Variants in ABCD2 observed in about 807,000 individuals in gnomAD.
ABCD2 encodes the protein ATP-binding cassette sub-family D member 2.
A neutral mutation model predicts 70.9 loss-of-function variants in ABCD2; 36 were observed. That is an observed-to-expected ratio of 0.51 (90% CI 0.39 to 0.67). The LOEUF (loss-of-function observed/expected upper bound fraction) is 0.67. Among genes scored for constraint, ABCD2 ranks in the 30% least tolerant of loss-of-function variants. The pLI, the probability that ABCD2 is intolerant of heterozygous loss-of-function variation, is 0.00. For missense variants in ABCD2, 729 were observed against 890.2 expected, an observed-to-expected ratio of 0.82 and a Z score of 2.30; for synonymous variants, 304 against 306.9, an observed-to-expected ratio of 0.99 and a Z score of 0.10.
At chr12:39,595,042 GGTGACAGA>G (rs1372585000) in intron 6 of ABCD2, among the ~76,000 whole-genome samples, 3 of 151,856 alleles carry the variant, frequency 2.0e-5, no homozygotes, top group African/African-American at 7.3e-5. Flanking sequence ...CTCCAGCCTG[GGTGACAGA>G]GTGACACTCT....
rs71075064 is a variant in ABCD2 at position 39,613,385 on chromosome 12, CAAAAAAAAAAAAAAAAA to C, written c.1120+3586_1120+3602del. Among the ~76,000 whole-genome samples the C allele has an allele frequency of 4.2e-4, 10 of 23,616 alleles. 2 individuals are homozygous for C. In the East Asian group the frequency reaches 8.6e-3, roughly 20 times the overall value. The allele number at this position is 23,616 out of a possible 152,430, so 15.5% of individuals were successfully genotyped here. A position where few individuals can be genotyped will look rare whatever the true frequency, so the allele number is the denominator to read the frequency against. ...TGGGCGACAGAGCGAGACTCCGTCT[CAAAAAAAAAAAAAAAAA>C]AAAAAAAAAAAAAAAGAATTGAGGT... is the stretch of plus-strand genomic sequence containing the variant. On this transcript the variant is annotated intron_variant, in intron 2 of 9. Transcript: ENST00000308666.
chr12:39,616,101 G>A (rs544389767), intron 2 of ABCD2, among the ~76,000 whole-genome samples: 10 of 152,114 alleles, frequency 6.6e-5, no homozygotes, highest in African/African-American at 2.4e-4. Context: ...AGGAAGAGGG[G>A]GAACCAAAAG....
In ABCD2 at chr12:39,579,623, A is replaced by G; in HGVS notation, c.1793-4T>C. 1.3e-6 allele frequency: 2 copies of G among 1,594,842 alleles called. No homozygotes were observed. Among genetic ancestry groups the G allele is most frequent in the Non-Finnish European group, 1.7e-6 (2 of 1,168,512 alleles). ...CAGTCCATAACAGCATCCCATCCTT[A>G]AGAAAATAAAAAAATATACATTTTT... On this transcript the variant is annotated splice_polypyrimidine_tract_variant and splice_region_variant and intron_variant, in intron 7 of 9. Transcript: ENST00000308666.
intron 9 of ABCD2, among the ~76,000 whole-genome samples, chr12:39,568,803 T>G (rs768112585): frequency 2.7e-4 from 41 of 152,214 alleles, no homozygotes; most frequent in Non-Finnish European, 1.2e-4. Context: ...AGATGGGGTT[T>G]TGGTGTTCAT....
chr12:39,567,018 T>C (rs1007267037), intron 9 of ABCD2, among the ~76,000 whole-genome samples: 1 of 152,226 alleles, frequency 6.6e-6, no homozygotes, highest in Non-Finnish European at 1.5e-5. Context: ...ATTTCTGTTC[T>C]TTTACGTTTG....
intron 9 of ABCD2, among the ~76,000 whole-genome samples, chr12:39,566,936 C>T (rs910001527): frequency 3.3e-5 from 5 of 152,112 alleles, no homozygotes; most frequent in Admixed American, 6.6e-5. Flanking sequence ...TGTAGTTTAG[C>T]GGTTTTGAGT....
intron 9 of ABCD2, among the ~76,000 whole-genome samples, chr12:39,563,908 G>A (rs546342847): frequency 7.2e-5 from 11 of 152,242 alleles, no homozygotes; most frequent in African/African-American, 2.2e-4. Context: ...ATAGTTTGCT[G>A]AGAATGATGG....
At chr12:39,569,176 C>G (rs1407422745) in intron 9 of ABCD2, among the ~76,000 whole-genome samples, 2 of 152,226 alleles carry the variant, frequency 1.3e-5, no homozygotes, top group Non-Finnish European at 2.9e-5. Flanking sequence ...ACATTTAAGT[C>G]TGCAGAGTAT....
chr12:39,610,727 T>G (rs1942033803), intron 2 of ABCD2, among the ~76,000 whole-genome samples: 1 of 152,184 alleles, frequency 6.6e-6, no homozygotes, highest in Non-Finnish European at 1.5e-5. Flanking sequence ...GATTAATGCT[T>G]ATTGGGTCTT....
intron 2 of ABCD2, among the ~76,000 whole-genome samples, chr12:39,608,423 AT>A (rs930426703): frequency 4.2e-4 from 64 of 152,280 alleles, no homozygotes; most frequent in African/African-American, 1.5e-3. Context: ...GCGGTGGCTC[AT>A]GCCTGTAGTC....
chr12:39,553,908 C>G lies in ABCD2; in HGVS notation c.*4G>C. 1 of 1,593,262 alleles carries G rather than the reference C, an allele frequency of 6.3e-7. No homozygotes were observed. On this transcript the variant is annotated 3_prime_UTR_variant, in exon 10 of 10. Coordinates refer to ENST00000308666, the MANE Select transcript of ABCD2 (RefSeq NM_005164.4). ...AATTAACTTTTAAAATATGTCAAAA[C>G]AAATTAAGATGTCTCATCTTCATTT...
At chr12:39,558,745 CTT>C (rs1429726091) in intron 9 of ABCD2, among the ~76,000 whole-genome samples, 1 of 152,116 alleles carries the variant, frequency 6.6e-6, no homozygotes, top group Non-Finnish European at 1.5e-5. Context: ...AATTAAGCCT[CTT>C]TTCTTTATAA....
At chr12:39,601,689 T>G (rs537424546) in intron 5 of ABCD2, among the ~76,000 whole-genome samples, 52 of 152,076 alleles carry the variant, frequency 3.4e-4, no homozygotes, top group Non-Finnish European at 4.1e-4. Flanking sequence ...AGATCTAGCT[T>G]TGTATAGAAA....
the ABCD2 span, among the ~76,000 whole-genome samples, chr12:39,534,701 CGGAAGGAA>C: frequency 2.7e-5 from 3 of 111,298 alleles, no homozygotes; most frequent in African/African-American, 3.7e-5. Flanking sequence ...GAAGGAAGGA[CGGAAGGAA>C]GGAAGGAAGG....
the ABCD2 span, among the ~76,000 whole-genome samples, chr12:39,533,389 A>AT: frequency 3.2e-3 from 482 of 152,230 alleles, 6 homozygotes; most frequent in African/African-American, 0.011. Context: ...AAAGAGATTC[A>AT]TTTTTTTCTG....
chr12:39,589,588 C>T (rs1225449256), intron 6 of ABCD2, among the ~76,000 whole-genome samples: 5 of 151,822 alleles, frequency 3.3e-5, no homozygotes, highest in Admixed American at 2.6e-4. Context: ...GGGGTTTTAC[C>T]GTGTTAGCCA....
intron 7 of ABCD2, 103 bp from the exon 8 acceptor site, chr12:39,579,722 G>A: frequency 1.2e-6 from 1 of 849,656 alleles, no homozygotes; most frequent in Non-Finnish European, 1.8e-6. Context: ...TTGTCAACAT[G>A]AAGAACTTGG....
chr12:39,580,625 T>A (rs1022123651), intron 7 of ABCD2, among the ~76,000 whole-genome samples: 1 of 152,170 alleles, frequency 6.6e-6, no homozygotes, highest in East Asian at 1.9e-4. Context: ...TTAGATTTTT[T>A]AAAGATTACT....
chr12:39,579,777 A>G (rs1451027309), intron 7 of ABCD2, among the ~76,000 whole-genome samples, 158 bp from the exon 8 acceptor site: 1 of 152,214 alleles, frequency 6.6e-6, no homozygotes, highest in Non-Finnish European at 1.5e-5. Flanking sequence ...AGCCTCATGT[A>G]TAAGCATTTT....
Sources: gnomAD v4.1 joint callset for allele counts (sites outside exome capture counted in the v4.1 genomes callset) on GRCh38, gnomAD v4.1.1 for gene constraint, MANE v1.5 for transcripts, NCBI Gene and HGNC (gene_info 2026-07-23, HGNC 2026-07-21) for gene names.